The following TJP1 variants were observed in gnomAD, a reference collection of about 807,000 sequenced individuals.
TJP1 encodes tight junction protein ZO-1.
A neutral mutation model predicts 194.2 loss-of-function variants in TJP1; 43 were observed. The observed-to-expected ratio is 0.22, with a 90% CI of 0.17 to 0.29. The LOEUF (loss-of-function observed/expected upper bound fraction) is 0.29, where lower values mean the gene tolerates loss of function less well. TJP1 is among the 10% of genes least tolerant of loss of function. The pLI is 1.00. For synonymous variants in TJP1, 801 were observed against 779.0 expected (o/e 1.03, Z -0.47); for missense variants, 1,971 against 2,185.7 (o/e 0.90, Z 1.96).
chr15:29,747,132 A>G (rs2044843420), intron 8 of TJP1, among the ~76,000 whole-genome samples: 1 of 152,136 alleles, frequency 6.6e-6, no homozygotes, highest in Non-Finnish European at 1.5e-5. Flanking sequence ...TAAAAAAACA[A>G]AAATTAGTTG....
intron 4 of TJP1, among the ~76,000 whole-genome samples, chr15:29,766,889 T>G (rs571670270): frequency 6.6e-6 from 1 of 152,286 alleles, no homozygotes; most frequent in African/African-American, 2.4e-5. Flanking sequence ...TGTACTCTAA[T>G]GCCATCAAAT....
At chr15:29,920,772 C>T (rs1266289996) in intron 2 of TJP1, among the ~76,000 whole-genome samples, 4 of 152,178 alleles carry the variant, frequency 2.6e-5, no homozygotes, top group Non-Finnish European at 5.9e-5. Flanking sequence ...GGTCTGGCTC[C>T]GTTCCCGAAG....
chr15:29,887,028 C>T (rs1385832854), intron 2 of TJP1, among the ~76,000 whole-genome samples: 3 of 151,500 alleles, frequency 2.0e-5, no homozygotes, highest in Non-Finnish European at 2.9e-5. Flanking sequence ...GAAGGACAGG[C>T]AAGCAGAACA....
intron 2 of TJP1, among the ~76,000 whole-genome samples, chr15:29,934,829 G>C (rs1029750746): frequency 6.6e-6 from 1 of 152,222 alleles, no homozygotes. Flanking sequence ...GTAGTGTGAA[G>C]GGTTGATGTG....
chr15:29,802,033 T>TAAATGGGGTTA (rs2048826428), intron 1 of TJP1, among the ~76,000 whole-genome samples: 1 of 152,308 alleles, frequency 6.6e-6, no homozygotes, highest in South Asian at 2.1e-4. Context: ...AAATTTCTTT[T>TAAATGGGGTTA]AAATGGGGTT....
chr15:29,820,853 A>C (rs2050282520), intron 1 of TJP1, among the ~76,000 whole-genome samples: 1 of 152,212 alleles, frequency 6.6e-6, no homozygotes. Flanking sequence ...ATATCCCTTA[A>C]AACAATCTAT....
At chr15:29,855,763 C>T (rs553746154) in intron 2 of TJP1, among the ~76,000 whole-genome samples, 47 of 151,456 alleles carry the variant, frequency 3.1e-4, no homozygotes, top group African/African-American at 8.7e-4. Flanking sequence ...GGCTGAGGCA[C>T]GAGAATCGCT....
At chr15:29,866,015 T>A (rs1342287909) in intron 2 of TJP1, among the ~76,000 whole-genome samples, 1 of 152,216 alleles carries the variant, frequency 6.6e-6, no homozygotes, top group African/African-American at 2.4e-5. Context: ...TTAACAATCA[T>A]AAAGGCATAC....
At chr15:29,905,426 A>G (rs2053775062) in intron 2 of TJP1, among the ~76,000 whole-genome samples, 1 of 152,260 alleles carries the variant, frequency 6.6e-6, no homozygotes, top group African/African-American at 2.4e-5. Context: ...CTTACAACAA[A>G]GTACCATGAT....
At chr15:29,855,752 A>T (rs1424462320) in intron 2 of TJP1, among the ~76,000 whole-genome samples, 1 of 152,108 alleles carries the variant, frequency 6.6e-6, no homozygotes, top group African/African-American at 2.4e-5. Context: ...GTTACTCAGG[A>T]GGCTGAGGCA....
At chr15:29,806,320 G>T (rs1381847985) in intron 1 of TJP1, among the ~76,000 whole-genome samples, 2 of 152,094 alleles carry the variant, frequency 1.3e-5, no homozygotes, top group African/African-American at 4.8e-5. Flanking sequence ...AAAACCAATG[G>T]AGCTAATACA....
At chr15:29,761,013 G>C in intron 8 of TJP1, 126 bp downstream of exon 8, 1 of 1,218,662 alleles carries the variant, frequency 8.2e-7, no homozygotes, top group Admixed American at 3.3e-5. Context: ...TCTAAGTTGA[G>C]AAAAACAGAT....
At chr15:29,950,679 C>T (rs2055715749) in intron 2 of TJP1, among the ~76,000 whole-genome samples, 1 of 152,206 alleles carries the variant, frequency 6.6e-6, no homozygotes, top group Non-Finnish European at 1.5e-5. Flanking sequence ...GAAGTGGTGT[C>T]CATGTCCCTC....
At chr15:29,787,115 T>A (rs746349321) in intron 2 of TJP1, among the ~76,000 whole-genome samples, 2 of 152,210 alleles carry the variant, frequency 1.3e-5, no homozygotes, top group Non-Finnish European at 2.9e-5. Flanking sequence ...ATTCCTTTTA[T>A]CACTTTACTG....
chr15:29,773,918 C>A (rs779455387), intron 2 of TJP1, among the ~76,000 whole-genome samples: 34 of 152,208 alleles, frequency 2.2e-4, no homozygotes, highest in Non-Finnish European at 4.7e-4. Context: ...GTAAAATTAC[C>A]TTTTTAAAAA....
intron 8 of TJP1, among the ~76,000 whole-genome samples, chr15:29,745,818 T>C (rs1054225415): frequency 7.2e-5 from 11 of 152,206 alleles, no homozygotes; most frequent in African/African-American, 2.7e-4. Flanking sequence ...CCTTGTATTG[T>C]TCAACTGAAA....
intron 1 of TJP1, among the ~76,000 whole-genome samples, chr15:29,814,774 T>C (rs1475809958): frequency 6.6e-6 from 1 of 152,190 alleles, no homozygotes; most frequent in Non-Finnish European, 1.5e-5. Context: ...TAAACTAGAA[T>C]TGAGATCATT....
chr15:29,737,419 T>C lies in TJP1; in HGVS notation c.1257-5A>G, dbSNP rs748934722. On this transcript the variant is annotated splice_region_variant and splice_polypyrimidine_tract_variant and intron_variant, in intron 10 of 27. Transcript: ENST00000614355. ...TTTACCAATTTCATGCTGGGCCTGT[T>C]AAAACAGATATTTCATTTGAAACAG... The C allele has an allele frequency of 6.2e-7, 1 of 1,614,130 alleles. No individual in the cohort carries two copies. The highest frequency in any genetic ancestry group is 1.1e-5 in the South Asian group (1 of 91,070).
chr15:29,727,035 T>C (rs780322704), intron 16 of TJP1, 44 bp from the exon 17 acceptor site: 14 of 1,567,102 alleles, frequency 8.9e-6, no homozygotes, highest in Non-Finnish European at 1.1e-5. Context: ...CAAGACATCA[T>C]TAATTAAGAA....
Sources: allele counts gnomAD v4.1 joint callset (sites outside exome capture counted in the v4.1 genomes callset), GRCh38; gene constraint gnomAD v4.1.1; transcripts MANE v1.5; gene names NCBI Gene and HGNC (gene_info 2026-07-23, HGNC 2026-07-21).